The following ADAM7 variants were observed in gnomAD, a reference collection of about 807,000 sequenced individuals.
ADAM7 encodes ADAM metallopeptidase domain 7, also known as disintegrin and metalloproteinase domain-containing protein 7.
A neutral mutation model predicts 102.9 loss-of-function variants in ADAM7; 97 were observed. The ratio of observed to expected loss-of-function variants is 0.94; its 90% confidence interval spans 0.80 to 1.12. ADAM7 has a LOEUF of 1.12. Ranked by LOEUF, ADAM7 falls within the 50% of genes most tolerant of loss-of-function variation. The probability of loss-of-function intolerance (pLI) is 0.00; values close to 1 mark genes in which losing one functional copy is unlikely to be tolerated. For missense variants in ADAM7, 991 were observed against 908.7 expected (o/e 1.09, Z -1.16); for synonymous variants, 334 against 304.4 (o/e 1.10, Z -1.01).
At chr8:24,492,643 T>A in intron 15 of ADAM7, 46 bp downstream of exon 15, 1 of 1,429,368 alleles carries the variant, frequency 7.0e-7, no homozygotes, top group Non-Finnish European at 9.8e-7. Context: ...TTACAGCACT[T>A]TGTCAAAATC....
At chr8:24,498,043 T>G (rs1257230697) in intron 16 of ADAM7, among the ~76,000 whole-genome samples, 1 of 152,006 alleles carries the variant, frequency 6.6e-6, no homozygotes, top group African/African-American at 2.4e-5. Flanking sequence ...AGACTGCACC[T>G]ATTTTTTGAA....
chr8:24,493,524 G>C (rs1820444657), intron 16 of ADAM7, among the ~76,000 whole-genome samples: 1 of 152,068 alleles, frequency 6.6e-6, no homozygotes, highest in South Asian at 2.1e-4. Flanking sequence ...ATTAATGTGA[G>C]TATAAAGTAG....
Position 24,493,197 on chromosome 8 carries a change from G to A in ADAM7, c.1810G>A (p.Val604Met). 6.2e-7 allele frequency: 1 copy of A among 1,608,806 alleles called. No homozygotes were observed. The highest frequency in any genetic ancestry group is 1.3e-5 in the African/African-American group (1 of 74,694). Residue 604 changes from valine (V) to methionine (M), a missense_variant, in exon 16 of 22, where the codon GTG becomes ATG. Val to Met is a conservative substitution (Grantham distance 21). Coordinates refer to ENST00000175238, the MANE Select transcript of ADAM7 (RefSeq NM_003817.4). ...CCATGATTCTACAGACATTGGCCTGGTGGCGTCAGGAACAAAATGTGGAGA... is the reference window on the plus strand; with the variant it reads ...CCATGATTCTACAGACATTGGCCTGATGGCGTCAGGAACAAAATGTGGAGA... ...LYHDSTDIGL[V>M]ASGTKCGEGM...
At chr8:24,444,685 A>G (rs1818487972) in intron 2 of ADAM7, among the ~76,000 whole-genome samples, 1 of 152,088 alleles carries the variant, frequency 6.6e-6, no homozygotes, top group South Asian at 2.1e-4. Context: ...AGATCGTAAA[A>G]AAAAAAACAC....
chr8:24,476,404 G>C, intron 7 of ADAM7, 29 bp from the exon 8 acceptor site: 3 of 1,447,804 alleles, frequency 2.1e-6, no homozygotes, highest in Non-Finnish European at 2.9e-6. Flanking sequence ...TATTATTAAT[G>C]AATATTAATA....
At position 24,482,367 on chromosome 8, in the gene ADAM7, CA is replaced by C. The variant is rs544890798; in HGVS notation, c.875+65del. 3.1e-3 allele frequency: 4,414 copies of C among 1,434,464 alleles called. 9 individuals are homozygous for C. Among genetic ancestry groups the C allele is most frequent in the Non-Finnish European group, 3.8e-3 (4,068 of 1,075,774 alleles). 88.9% of individuals were successfully genotyped at this position (1,434,464 alleles called of 1,614,324 possible). A position where few individuals can be genotyped will look rare whatever the true frequency, so the allele number is the denominator to read the frequency against. On this transcript the variant is annotated intron_variant, in intron 9 of 21. Coordinates refer to ENST00000175238, the MANE Select transcript of ADAM7 (RefSeq NM_003817.4). ...TTTGGTGGATTATTACAAAAGAAAA[CA>C]AAAAAAAATTAACAGAAAAAAAACA...
intron 10 of ADAM7, among the ~76,000 whole-genome samples, chr8:24,485,724 A>G (rs1291197904): frequency 6.6e-6 from 1 of 152,172 alleles, no homozygotes; most frequent in African/African-American, 2.4e-5. Flanking sequence ...AGTGCTGATA[A>G]TAAGGCACAT....
At chr8:24,457,402 A>T (rs1314666857) in intron 3 of ADAM7, among the ~76,000 whole-genome samples, 1 of 151,996 alleles carries the variant, frequency 6.6e-6, no homozygotes, top group East Asian at 1.9e-4. Context: ...CAGCCTCCCC[A>T]GTAGCTGGGA....
intron 20 of ADAM7, among the ~76,000 whole-genome samples, chr8:24,503,297 A>G (rs1820825872): frequency 6.6e-6 from 1 of 152,224 alleles, no homozygotes; most frequent in Non-Finnish European, 1.5e-5. Context: ...CAATAATTGT[A>G]GCAACAGCGA....
At chr8:24,445,489 T>C (rs1241969179) in intron 2 of ADAM7, among the ~76,000 whole-genome samples, 5 of 152,316 alleles carry the variant, frequency 3.3e-5, no homozygotes, top group African/African-American at 9.6e-5. Flanking sequence ...TCTTGACTAC[T>C]CTCTCTTACT....
intron 20 of ADAM7, among the ~76,000 whole-genome samples, chr8:24,502,804 A>C (rs1585933291): frequency 6.6e-6 from 1 of 152,148 alleles, no homozygotes; most frequent in African/African-American, 2.4e-5. Flanking sequence ...TCATGAATGC[A>C]TAACACTAAT....
chr8:24,450,837 G>A (rs12679187), intron 3 of ADAM7, among the ~76,000 whole-genome samples: 40,518 of 151,986 alleles, frequency 0.27, 6,316 homozygotes, highest in South Asian at 0.39. Context: ...AATACCTAAT[G>A]TATTGAGAGT....
In ADAM7 at chr8:24,487,302, T is replaced by A. The variant is rs1820175064; in HGVS notation, c.1076T>A (p.Met359Lys). The change falls in exon 11 of 22, where the codon ATG (methionine) becomes AAG (lysine). Residue 359 changes from methionine to lysine, a missense_variant. Physicochemically the swap from Met to Lys is moderately conservative, Grantham distance 95. Coordinates refer to ENST00000175238, the MANE Select transcript of ADAM7 (RefSeq NM_003817.4). ...ACCTGTCCTTCAGGAAAATGCGTGA[T>A]GGACAGTGATGGAAGGTGAGATTCG... ...PCTCPSGKCV[M>K]DSDGSIPALK... is the part of the protein sequence containing the mutation. 5 of 1,613,640 alleles carry A rather than the reference T, an allele frequency of 3.1e-6. No individual in the cohort carries two copies. The highest frequency in any genetic ancestry group is 4.2e-6 in the Non-Finnish European group (5 of 1,179,750).
At chr8:24,500,710 T>G in intron 18 of ADAM7, 80 bp from the exon 19 acceptor site, 1 of 1,148,498 alleles carries the variant, frequency 8.7e-7, no homozygotes, top group Non-Finnish European at 1.3e-6. Flanking sequence ...AGGAGCATTG[T>G]AACAGCTCCA....
intron 7 of ADAM7, among the ~76,000 whole-genome samples, chr8:24,472,000 T>A (rs1025435923): frequency 2.6e-5 from 4 of 151,390 alleles, no homozygotes; most frequent in African/African-American, 9.7e-5. Context: ...ATTTTAATAG[T>A]ATATAAAAGA....
At chr8:24,499,422 C>A in intron 17 of ADAM7, 106 bp downstream of exon 17, 1 of 764,316 alleles carries the variant, frequency 1.3e-6, no homozygotes, top group Non-Finnish European at 1.9e-6. Flanking sequence ...ATTTTTGCTG[C>A]TTTCTAAATC....
chr8:24,462,217 G>C (rs189675688), intron 3 of ADAM7, among the ~76,000 whole-genome samples: 1 of 152,114 alleles, frequency 6.6e-6, no homozygotes, highest in Non-Finnish European at 1.5e-5. Context: ...TTTATTCTTA[G>C]CATGGCTACT....
chr8:24,504,236 C>T (rs1478391987), intron 20 of ADAM7, among the ~76,000 whole-genome samples: 2 of 151,596 alleles, frequency 1.3e-5, no homozygotes, highest in Non-Finnish European at 2.9e-5. Flanking sequence ...CATAATGGTG[C>T]ACACCTGTAG....
At chr8:24,449,492 A>G (rs1168039662) in intron 3 of ADAM7, among the ~76,000 whole-genome samples, 3 of 151,808 alleles carry the variant, frequency 2.0e-5, no homozygotes, top group Non-Finnish European at 4.4e-5. Flanking sequence ...CCACTTTTTG[A>G]TGGGGTTGTT....
Sources: allele counts gnomAD v4.1 joint callset (sites outside exome capture counted in the v4.1 genomes callset), GRCh38; gene constraint gnomAD v4.1.1; transcripts MANE v1.5; gene names NCBI Gene and HGNC (gene_info 2026-07-23, HGNC 2026-07-21).